SOS1: variants seen among roughly 807,000 people sequenced by gnomAD.
SOS1 encodes son of sevenless homolog 1.
SOS1 carries 25 observed loss-of-function variants against 157.6 expected under a neutral mutation model. That is an observed-to-expected ratio of 0.16 (90% confidence interval 0.12 to 0.22). The LOEUF (loss-of-function observed/expected upper bound fraction) is 0.22. Ranked by LOEUF, SOS1 falls within the 10% of genes least tolerant of loss-of-function variation. SOS1 has a pLI of 1.00. For synonymous variants in SOS1, 528 were observed against 534.0 expected, an observed-to-expected ratio of 0.99 and a Z score of 0.16; for missense variants, 1,237 against 1,599.1, an observed-to-expected ratio of 0.77 and a Z score of 3.86.
Position 39,108,700 on chromosome 2 carries a change from G to C in SOS1, c.87+11636C>G, listed in dbSNP as rs562632402. Reference sequence around the variant, plus strand: ...GGCCAGGAGTGTGAAACCAGCCTGAGTAACACAGTGAGACCCTGTCTCTAC... The same window carrying C: ...GGCCAGGAGTGTGAAACCAGCCTGACTAACACAGTGAGACCCTGTCTCTAC... On this transcript the variant is annotated intron_variant, in intron 1 of 22. Coordinates refer to ENST00000402219, the MANE Select transcript of SOS1 (RefSeq NM_005633.4). 9.8e-4 allele frequency among the ~76,000 whole-genome samples: 149 copies of C among 152,174 alleles called. 1 individual carries two copies. The highest frequency in any genetic ancestry group is 3.5e-3 in the African/African-American group (144 of 41,522).
intron 17 of SOS1, among the ~76,000 whole-genome samples, chr2:39,004,935 A>C (rs1669236184): frequency 6.6e-6 from 1 of 152,160 alleles, no homozygotes; most frequent in African/African-American, 2.4e-5. Flanking sequence ...TGGCAGCATA[A>C]TTGTCATACA....
intron 21 of SOS1, among the ~76,000 whole-genome samples, chr2:38,988,526 TG>T (rs1296473726): frequency 6.6e-6 from 1 of 152,168 alleles, no homozygotes; most frequent in Non-Finnish European, 1.5e-5. Context: ...CTTTTTATTT[TG>T]TCACATGTTA....
intron 3 of SOS1, 120 bp downstream of exon 3, chr2:39,058,553 A>G: frequency 6.6e-6 from 7 of 1,054,998 alleles, no homozygotes; most frequent in Non-Finnish European, 9.9e-6. Flanking sequence ...TGGAAAACTT[A>G]GAATGAGAGA....
intron 1 of SOS1, among the ~76,000 whole-genome samples, chr2:39,101,765 G>T (rs1672975643): frequency 6.6e-6 from 1 of 152,184 alleles, no homozygotes; most frequent in Admixed American, 6.5e-5. Flanking sequence ...GGTTTTCAAA[G>T]TTGAGGACTT....
chr2:39,003,072 A>AAAAACAAAAAAC (rs1553352672), intron 17 of SOS1, among the ~76,000 whole-genome samples: 2 of 127,124 alleles, frequency 1.6e-5, no homozygotes, highest in African/African-American at 2.7e-5. Flanking sequence ...GTATCAAAAA[A>AAAAACAAAAAAC]AAAAAAGAAC....
chr2:39,121,071 G>C (rs1289154336), upstream of SOS1: 1 of 154,224 alleles, frequency 6.5e-6, no homozygotes, highest in African/African-American at 2.4e-5. Context: ...CTGCCGTGCT[G>C]GGCTGGTTCG....
rs201702046 is a variant in SOS1, at chr2:39,090,696, AAAACAAAC to A, written c.88-22951_88-22944del. ...GAGCGACAGAACGAGCCTCTATCTC[AAAACAAAC>A]AAACAAACAAACAAACAAACAAAAA... is the stretch of plus-strand genomic sequence containing the variant. On this transcript the variant is annotated intron_variant, in intron 1 of 22. Transcript: ENST00000402219. 8.7e-4 allele frequency among the ~76,000 whole-genome samples: 132 copies of A among 152,098 alleles called. 1 individual carries two copies. Among genetic ancestry groups the A allele is most frequent in the East Asian group, 4.8e-3 (25 of 5,168 alleles).
chr2:39,028,563 C>G (rs971994997), intron 8 of SOS1, among the ~76,000 whole-genome samples: 7 of 152,186 alleles, frequency 4.6e-5, no homozygotes, highest in Non-Finnish European at 8.8e-5. Context: ...CTTGAAGGCA[C>G]TAACAGGCAG....
chr2:38,985,847 A>T lies in SOS1; in HGVS notation c.3979T>A (p.Leu1327Met). The T allele has an allele frequency of 6.2e-7, 1 of 1,613,826 alleles. No homozygotes were observed. Among genetic ancestry groups the T allele is most frequent in the Non-Finnish European group, 8.5e-7 (1 of 1,179,820 alleles). ...PSMHRDGPPL[L>M]ENAHSS ...ACTCAGGAAGAATGGGCATTCTCCA[A>T]CAGTGGTGGTCCATCTCTGTGCATG... The change falls in exon 23 of 23, where the codon TTG becomes ATG. Residue 1327 changes from leucine (L) to methionine (M), a missense_variant. By Grantham distance (15) the Leu-to-Met change is conservative. This residue lies in a region of SOS1 where 306 missense variants were observed against 322.6 expected (regional missense o/e 0.95). Transcript: ENST00000402219.
intron 2 of SOS1, among the ~76,000 whole-genome samples, chr2:39,063,739 T>TC (rs1365670702): frequency 1.3e-5 from 2 of 152,176 alleles, no homozygotes; most frequent in African/African-American, 2.4e-5. Context: ...CTTAGACATA[T>TC]CCCCTAGGAG....
intron 6 of SOS1, among the ~76,000 whole-genome samples, chr2:39,050,735 G>A (rs1281523078): frequency 2.0e-5 from 3 of 152,096 alleles, no homozygotes; most frequent in East Asian, 3.8e-4. Flanking sequence ...ATAAAGATAC[G>A]GAGGTTTAAA....
chr2:39,009,839 G>A (rs1035884013), intron 15 of SOS1, among the ~76,000 whole-genome samples: 1 of 152,120 alleles, frequency 6.6e-6, no homozygotes, highest in Non-Finnish European at 1.5e-5. Flanking sequence ...GATAAGATGT[G>A]TAGGGTAAAC....
chr2:39,035,057 T>C (rs1670296549), intron 8 of SOS1, among the ~76,000 whole-genome samples, 155 bp downstream of exon 8: 1 of 152,140 alleles, frequency 6.6e-6, no homozygotes, highest in African/African-American at 2.4e-5. Flanking sequence ...TATGCTACTC[T>C]TTTGCAGACT....
rs869178369 is a variant in SOS1 at position 39,069,190 on chromosome 2, C to CAAAAAAAAAAAAAA, written c.88-1451_88-1438dup. 2.1e-4 allele frequency among the ~76,000 whole-genome samples: 10 copies of CAAAAAAAAAAAAAA among 46,760 alleles called. 1 individual carries two copies. Among genetic ancestry groups the CAAAAAAAAAAAAAA allele is most frequent in the African/African-American group, 4.8e-4 (7 of 14,720 alleles). The allele number at this position is 46,760 out of a possible 152,430, so 30.7% of individuals were successfully genotyped here. ...GGGAAAACCTGTCTCTACCAAAAAG[C>CAAAAAAAAAAAAAA]AAAAAAAAAAAAAAAAAAAAAAAAA... On this transcript the variant is annotated intron_variant, in intron 1 of 22. Transcript: ENST00000402219.
At chr2:39,105,845 A>C (rs1020746916) in intron 1 of SOS1, among the ~76,000 whole-genome samples, 6 of 152,144 alleles carry the variant, frequency 3.9e-5, no homozygotes, top group African/African-American at 1.2e-4. Context: ...GGTTGCAGTG[A>C]GCCGAGATCG....
Position 39,014,039 on chromosome 2 carries a change from T to C in SOS1, c.1941-50A>G, listed in dbSNP as rs750829069. 81 of 1,436,182 alleles carry C rather than the reference T, an allele frequency of 5.6e-5. 1 individual carries two copies. The Admixed American group carries it at 1.3e-3, about 23-fold the overall frequency. 89.0% of individuals were successfully genotyped at this position (1,436,182 alleles called of 1,614,324 possible). On this transcript the variant is annotated intron_variant, in intron 11 of 22. Coordinates refer to ENST00000402219, the MANE Select transcript of SOS1 (RefSeq NM_005633.4). ...TGAAAAGACTAATTATATCGAGTTA[T>C]ACAAATAGAAAACCACAAACGTTTT...
intron 1 of SOS1, among the ~76,000 whole-genome samples, chr2:39,072,517 T>C (rs966356912): frequency 6.6e-6 from 1 of 152,318 alleles, no homozygotes; most frequent in Non-Finnish European, 1.5e-5. Context: ...ATGTTAATTA[T>C]GTAGAGTTGT....
At chr2:39,117,879 G>GT (rs1363976718) in intron 1 of SOS1, among the ~76,000 whole-genome samples, 1 of 152,188 alleles carries the variant, frequency 6.6e-6, no homozygotes, top group African/African-American at 2.4e-5. Flanking sequence ...CCAGTCAAAT[G>GT]TAACAATAAA....
chr2:39,009,871 C>T (rs1026087540), intron 15 of SOS1, among the ~76,000 whole-genome samples: 1 of 151,914 alleles, frequency 6.6e-6, no homozygotes, highest in African/African-American at 2.4e-5. Context: ...CAGGCAACCA[C>T]TAAAAGGACC....
Sources: gnomAD v4.1 joint callset for allele counts (sites outside exome capture counted in the v4.1 genomes callset) on GRCh38, gnomAD v4.1.1 for gene constraint, gnomAD v4.1.1 regional missense constraint, MANE v1.5 for transcripts, NCBI Gene and HGNC (gene_info 2026-07-23, HGNC 2026-07-21) for gene names.